HIBCH: variants seen among roughly 807,000 people sequenced by gnomAD.
The protein encoded by HIBCH is 3-hydroxyisobutyryl-CoA hydrolase, also known as 3-hydroxyisobutyryl-CoA hydrolase, mitochondrial.
HIBCH carries 50 observed loss-of-function variants against 58.2 expected under a neutral mutation model. The ratio of observed to expected loss-of-function variants is 0.86; its 90% CI spans 0.68 to 1.09. The LOEUF is 1.09. Among genes scored for constraint, HIBCH ranks in the 50% least tolerant of loss-of-function variants. The pLI is 0.00. For missense variants in HIBCH, 450 were observed against 449.7 expected (o/e 1.00, Z -0.01); for synonymous variants, 151 against 146.9 (o/e 1.03, Z -0.20).
chr2:190,296,344 C>T (rs1337892221), intron 3 of HIBCH, among the ~76,000 whole-genome samples: 2 of 149,602 alleles, frequency 1.3e-5, no homozygotes, highest in Non-Finnish European at 3.0e-5. Flanking sequence ...GGCATGAACC[C>T]GGGAGGTGGA....
At chr2:190,189,923 A>G (rs1342485322) in exon 2 of HIBCH, 1 of 152,256 alleles carries the variant, frequency 6.6e-6, no homozygotes, top group Non-Finnish European at 1.5e-5. Flanking sequence ...CAATGTAGAA[A>G]GGAAGCAGCA....
intron 10 of HIBCH, chr2:190,245,241 C>T (rs535227988): frequency 2.2e-4 from 81 of 376,458 alleles, no homozygotes; most frequent in African/African-American, 1.1e-3. Flanking sequence ...AATGAAAAAT[C>T]GATGCTTCTA....
chr2:190,285,485 C>T (rs1687806833), intron 6 of HIBCH, among the ~76,000 whole-genome samples: 1 of 152,172 alleles, frequency 6.6e-6, no homozygotes, highest in Non-Finnish European at 1.5e-5. Flanking sequence ...AGGTACAGAT[C>T]ACCCTTGCTA....
At chr2:190,307,963 A>G (rs556144330) in intron 2 of HIBCH, among the ~76,000 whole-genome samples, 7 of 152,244 alleles carry the variant, frequency 4.6e-5, no homozygotes, top group Non-Finnish European at 1.0e-4. Context: ...TGCCTGCAAT[A>G]CTGCCATCAA....
At chr2:190,249,568 C>CA in intron 9 of HIBCH, 72 bp downstream of exon 9, 2 of 813,024 alleles carry the variant, frequency 2.5e-6, no homozygotes, top group Non-Finnish European at 4.2e-6. Context: ...TAATATTCAC[C>CA]AACTGCCAGT....
chr2:190,253,427 A>G (rs1686835543), intron 7 of HIBCH, among the ~76,000 whole-genome samples: 1 of 152,222 alleles, frequency 6.6e-6, no homozygotes, highest in South Asian at 2.1e-4. Context: ...TCCTGTAAAC[A>G]GAAATATCTC....
intron 11 of HIBCH, among the ~76,000 whole-genome samples, chr2:190,218,524 T>TTAC (rs1009159867): frequency 6.6e-6 from 1 of 152,144 alleles, no homozygotes; most frequent in African/African-American, 2.4e-5. Flanking sequence ...ACTCCTGGTC[T>TTAC]TACTACTTCC....
At chr2:190,316,496 C>T (rs1280910556) in intron 1 of HIBCH, among the ~76,000 whole-genome samples, 1 of 152,132 alleles carries the variant, frequency 6.6e-6, no homozygotes, top group East Asian at 1.9e-4. Context: ...CAGAAAAAAA[C>T]TACTAACATT....
chr2:190,227,241 A>G (rs1336406294), intron 11 of HIBCH, among the ~76,000 whole-genome samples: 1 of 152,226 alleles, frequency 6.6e-6, no homozygotes, highest in African/African-American at 2.4e-5. Flanking sequence ...ATATAGACCA[A>G]TGGAACAGAA....
chr2:190,256,125 C>T (rs572836402), intron 7 of HIBCH, among the ~76,000 whole-genome samples: 26 of 152,224 alleles, frequency 1.7e-4, no homozygotes, highest in Non-Finnish European at 3.1e-4. Flanking sequence ...GGAGACACTG[C>T]GTCCATGATC....
In HIBCH at chr2:190,232,906, C is replaced by T. The variant is rs533285781; in HGVS notation, c.891+11981G>A. On this transcript the variant is annotated intron_variant, in intron 11 of 13. Transcript: ENST00000359678. ...CCGGGAGGCGGAGCTTGCAGTGAGC[C>T]GAGATCATGCCACTGCACTCCAGCC... Among the ~76,000 whole-genome samples the T allele has an allele frequency of 5.3e-5, 8 of 151,784 alleles. No individual in the cohort carries two copies. In the East Asian group the frequency reaches 1.4e-3, roughly 26 times the overall value.
rs896886305 is a variant in HIBCH, at chr2:190,254,038, A to G, written c.518-1731T>C. Among the ~76,000 whole-genome samples the G allele has an allele frequency of 2.0e-5, 3 of 152,024 alleles. No individual in the cohort carries two copies. Among genetic ancestry groups the G allele is most frequent in the Admixed American group, 6.6e-5 (1 of 15,242 alleles). On this transcript the variant is annotated intron_variant, in intron 7 of 13. Coordinates refer to ENST00000359678, the MANE Select transcript of HIBCH (RefSeq NM_014362.4). The surrounding 1 kb of genome is among the most constrained non-coding windows in gnomAD (Gnocchi z 5.0). ...CTCTTGCTCAAGGTGCCTAAGCTCC[A>G]TATTAGGCTACCTCCTCTTTCCTAT...
At chr2:190,224,061 C>A (rs1025037675) in intron 11 of HIBCH, among the ~76,000 whole-genome samples, 1 of 152,226 alleles carries the variant, frequency 6.6e-6, no homozygotes, top group African/African-American at 2.4e-5. Context: ...CACCCTAACA[C>A]TGCACTTTTC....
In HIBCH at chr2:190,197,331, C is replaced by G. The variant is rs1559001808; in HGVS notation, c.*18-7334G>C. Among the ~76,000 whole-genome samples the G allele has an allele frequency of 6.6e-6, 1 of 152,200 alleles. No individual in the cohort carries two copies. Among genetic ancestry groups the G allele is most frequent in the Admixed American group, 6.5e-5 (1 of 15,282 alleles). ...GAAAGTGTTCAATGAGATTGCTCCACTCAGGCTGCAATTCCAAGGATTCTA... is the reference window on the plus strand; with the variant it reads ...GAAAGTGTTCAATGAGATTGCTCCAGTCAGGCTGCAATTCCAAGGATTCTA... On this transcript the variant is annotated intron_variant, in intron 1 of 1. Coordinates refer to the HIBCH transcript ENST00000399855. The surrounding 1 kb of genome is among the most constrained non-coding windows in gnomAD (Gnocchi z 4.0).
chr2:190,311,139 A>G (rs754582657), intron 1 of HIBCH: 13 of 435,084 alleles, frequency 3.0e-5, no homozygotes, highest in Non-Finnish European at 4.8e-5. Context: ...AAATTGGACG[A>G]AACTTAAATG....
intron 6 of HIBCH, among the ~76,000 whole-genome samples, chr2:190,275,799 G>A (rs965082849): frequency 6.6e-6 from 1 of 152,204 alleles, no homozygotes; most frequent in Admixed American, 6.5e-5. Context: ...CCTAATTGAA[G>A]ATGATTGAGA....
At chr2:190,190,838 G>A (rs942980313) in intron 1 of HIBCH, among the ~76,000 whole-genome samples, 3 of 152,022 alleles carry the variant, frequency 2.0e-5, no homozygotes, top group Non-Finnish European at 4.4e-5. Context: ...GAATTTTAAC[G>A]CATGTTTAGA....
chr2:190,246,178 T>C lies in HIBCH; in HGVS notation c.785A>G (p.Glu262Gly). The stretch of plus-strand genomic sequence containing the variant: ...CCTGTTTATTTTGTCCATGTGTTCC[T>C]CAAGTATAAAAGACTTGTCTCGATC... The part of the protein sequence containing the change: ...KIDRDKSFIL[E>G]EHMDKINSCF... Residue 262 changes from glutamate (E) to glycine (G), a missense_variant, in exon 10 of 14, where the codon GAG becomes GGG. By Grantham distance (98) the Glu-to-Gly change is moderately conservative. Coordinates refer to ENST00000359678, the MANE Select transcript of HIBCH (RefSeq NM_014362.4). 6.3e-7 allele frequency: 1 copy of C among 1,593,460 alleles called. No homozygotes were observed. The highest frequency in any genetic ancestry group is 8.6e-7 in the Non-Finnish European group (1 of 1,162,120).
intron 11 of HIBCH, among the ~76,000 whole-genome samples, chr2:190,233,139 C>G (rs1686158938): frequency 6.6e-6 from 1 of 151,948 alleles, no homozygotes; most frequent in Non-Finnish European, 1.5e-5. Context: ...TCATATGTAA[C>G]ATGTTTTATT....
Sources: allele counts gnomAD v4.1 joint callset (sites outside exome capture counted in the v4.1 genomes callset), GRCh38; gene constraint gnomAD v4.1.1; non-coding constraint Gnocchi (gnomAD v3.1); transcripts MANE v1.5; gene names NCBI Gene and HGNC (gene_info 2026-07-23, HGNC 2026-07-21).